NPHP1: variants seen among roughly 807,000 people sequenced by gnomAD.
The protein encoded by NPHP1 is nephrocystin 1.
NPHP1 carries 70 observed loss-of-function variants against 90.4 expected under a neutral mutation model. The observed-to-expected ratio is 0.77, with a 90% CI of 0.64 to 0.95. The LOEUF (loss-of-function observed/expected upper bound fraction) is 0.95, where lower values mean the gene tolerates loss of function less well. Among genes scored for constraint, NPHP1 ranks in the 40% least tolerant of loss-of-function variants. NPHP1 has a pLI of 0.00. For synonymous variants in NPHP1, 256 were observed against 271.7 expected (o/e 0.94, Z 0.57); for missense variants, 764 against 795.9 (o/e 0.96, Z 0.48).
chr2:110,143,125 TTCTC>T (rs1461162333), intron 16 of NPHP1, among the ~76,000 whole-genome samples: 1 of 152,170 alleles, frequency 6.6e-6, no homozygotes, highest in Non-Finnish European at 1.5e-5. Context: ...TGAGGGAAAG[TTCTC>T]TATCTTGATT....
In NPHP1 at chr2:110,141,866, G is replaced by C. The variant is rs528639004; in HGVS notation, c.1529+1676C>G. Among the ~76,000 whole-genome samples, 16 of 151,552 alleles carry C rather than the reference G, an allele frequency of 1.1e-4. No individual in the cohort carries two copies. The South Asian group carries it at 3.4e-3, about 32-fold the overall frequency. On this transcript the variant is annotated intron_variant, in intron 16 of 19. Coordinates refer to ENST00000445609, the MANE Select transcript of NPHP1 (RefSeq NM_001128178.3). ...CGGGCGCCTGTAGTCCCAGCTACTC[G>C]GTAGGCTGAGGCAGGAAAATGGCGT...
chr2:110,125,181 C>T (rs926432699), intron 19 of NPHP1: 25 of 1,530,016 alleles, frequency 1.6e-5, no homozygotes, highest in South Asian at 1.1e-4. Context: ...AGTCAAACCA[C>T]GACTCACCGA....
intron 16 of NPHP1, among the ~76,000 whole-genome samples, chr2:110,142,230 G>T (rs933659822): frequency 3.9e-5 from 6 of 151,990 alleles, no homozygotes; most frequent in African/African-American, 1.4e-4. Flanking sequence ...CTATCAAAGG[G>T]AATTCAGATG....
intron 1 of NPHP1, among the ~76,000 whole-genome samples, chr2:110,203,975 A>G (rs1353196695): frequency 6.6e-6 from 1 of 152,076 alleles, no homozygotes; most frequent in Non-Finnish European, 1.5e-5. Context: ...AGAAAATCAT[A>G]ATAATCATCA....
chr2:110,143,559 T>C lies in NPHP1; in HGVS notation c.1512A>G (p.Arg504=). Residue 504 remains arginine (R), a synonymous_variant, in exon 16 of 20, where the codon AGA becomes AGG. Coordinates refer to ENST00000445609, the MANE Select transcript of NPHP1 (RefSeq NM_001128178.3). ...LLVKLRSLNR[R]SRNVLSLLPE... Reference sequence around the variant, plus strand: ...GTACCCACCTTAGTACATTTCTTGATCTTCTGTTCAAGGATCTCAGTTTCA... The same window carrying C: ...GTACCCACCTTAGTACATTTCTTGACCTTCTGTTCAAGGATCTCAGTTTCA... 2 of 1,612,410 alleles carry C rather than the reference T, an allele frequency of 1.2e-6. No individual in the cohort carries two copies. The highest frequency in any genetic ancestry group is 1.7e-6 in the Non-Finnish European group (2 of 1,178,390).
Position 110,136,352 on chromosome 2 carries a change from G to C in NPHP1, c.1530-4561C>G, listed in dbSNP as rs1429866101. ...ATCAGGCAGGAGAAGGAAATAAAGG[G>C]TATTCAATTAGGAAAAGAGGAAGTC... is the stretch of plus-strand genomic sequence containing the variant. On this transcript the variant is annotated intron_variant, in intron 16 of 19. Transcript: ENST00000445609. 3.3e-5 allele frequency among the ~76,000 whole-genome samples: 5 copies of C among 152,224 alleles called. No homozygotes were observed. The East Asian group carries it at 9.6e-4, about 29-fold the overall frequency.
intron 2 of NPHP1, among the ~76,000 whole-genome samples, chr2:110,198,779 G>A (rs764839491): frequency 4.8e-5 from 7 of 145,836 alleles, no homozygotes; most frequent in Non-Finnish European, 9.1e-5. Flanking sequence ...TTCAGGGGAT[G>A]GTACTAGCAG....
chr2:110,177,885 G>C (rs1320580120), intron 4 of NPHP1, among the ~76,000 whole-genome samples: 2 of 152,002 alleles, frequency 1.3e-5, no homozygotes, highest in Admixed American at 1.3e-4. Context: ...TGGGACTACA[G>C]GTACGTGCCA....
chr2:110,184,623 A>G (rs1360013993), intron 2 of NPHP1: 1 of 945,702 alleles, frequency 1.1e-6, no homozygotes, highest in Non-Finnish European at 1.7e-6. Flanking sequence ...AAGCTGGAAC[A>G]TCTCTCGCTT....
intron 2 of NPHP1, among the ~76,000 whole-genome samples, chr2:110,199,929 T>G (rs1685448496): frequency 1.3e-5 from 2 of 152,176 alleles, no homozygotes. Flanking sequence ...CTTCTTTTCA[T>G]GCACAGAGAA....
intron 11 of NPHP1, among the ~76,000 whole-genome samples, chr2:110,152,766 T>A (rs979715251): frequency 2.6e-5 from 4 of 152,046 alleles, no homozygotes; most frequent in African/African-American, 7.2e-5. Context: ...TCAAGAACTC[T>A]AAACTCTACG....
At chr2:110,152,814 G>A (rs1303963180) in intron 11 of NPHP1, among the ~76,000 whole-genome samples, 1 of 151,886 alleles carries the variant, frequency 6.6e-6, no homozygotes, top group Non-Finnish European at 1.5e-5. Flanking sequence ...GGAGAGGAGG[G>A]TGATGTACTG....
chr2:110,147,725 G>A (rs1681163209), intron 13 of NPHP1, among the ~76,000 whole-genome samples, 191 bp downstream of exon 13: 1 of 152,092 alleles, frequency 6.6e-6, no homozygotes, highest in Admixed American at 6.5e-5. Context: ...ATGTGAATAA[G>A]TACTATTATT....
intron 11 of NPHP1, among the ~76,000 whole-genome samples, chr2:110,157,243 A>C (rs912047517): frequency 3.3e-5 from 5 of 152,142 alleles, no homozygotes; most frequent in African/African-American, 1.2e-4. Flanking sequence ...ATTATTGAAA[A>C]TAAAATTCCA....
intron 19 of NPHP1, 95 bp downstream of exon 19, chr2:110,125,542 T>C (rs936475050): frequency 3.9e-6 from 5 of 1,267,302 alleles, no homozygotes; most frequent in Non-Finnish European, 5.8e-6. Context: ...ATTATGACTA[T>C]GGCTACTTTT....
chr2:110,173,061 C>A (rs984142337), intron 4 of NPHP1, among the ~76,000 whole-genome samples: 2 of 150,014 alleles, frequency 1.3e-5, no homozygotes, highest in African/African-American at 5.0e-5. Flanking sequence ...CGGGTTCAAG[C>A]GATTCTCCTG....
intron 11 of NPHP1, among the ~76,000 whole-genome samples, chr2:110,156,780 G>GTT (rs59532714): frequency 0.29 from 40,939 of 139,060 alleles, 6,697 homozygotes; most frequent in East Asian, 0.55. Flanking sequence ...TTTGGTTTCT[G>GTT]TTTTTTTTTT....
In NPHP1 at chr2:110,160,122, C is replaced by T; in HGVS notation, c.1083+5G>A. 1 of 1,612,668 alleles carries T rather than the reference C, an allele frequency of 6.2e-7. No individual in the cohort carries two copies. The highest frequency in any genetic ancestry group is 8.5e-7 in the Non-Finnish European group (1 of 1,178,922). On this transcript the variant is annotated splice_donor_5th_base_variant and intron_variant, in intron 11 of 19. Coordinates refer to ENST00000445609, the MANE Select transcript of NPHP1 (RefSeq NM_001128178.3). Reference sequence around the variant, plus strand: ...ATGAATTGATTTACTTCTCAGTAACCTTACCTTATTACCATCAAATAGACA... The same window carrying T: ...ATGAATTGATTTACTTCTCAGTAACTTTACCTTATTACCATCAAATAGACA...
chr2:110,191,888 G>A (rs562589397), intron 2 of NPHP1, among the ~76,000 whole-genome samples: 3 of 150,024 alleles, frequency 2.0e-5, no homozygotes, highest in African/African-American at 7.3e-5. Flanking sequence ...CTGATACCCA[G>A]GCAAACAGCG....
Sources: gnomAD v4.1 joint callset for allele counts (sites outside exome capture counted in the v4.1 genomes callset) on GRCh38, gnomAD v4.1.1 for gene constraint, MANE v1.5 for transcripts, NCBI Gene and HGNC (gene_info 2026-07-23, HGNC 2026-07-21) for gene names.